RNLS: variants seen among roughly 807,000 people sequenced by gnomAD.
RNLS encodes renalase, FAD dependent amine oxidase.
Under a neutral mutation model 39.8 loss-of-function variants are expected in RNLS, and 39 were observed. That is an observed-to-expected ratio of 0.98 (90% confidence interval 0.76 to 1.28). The LOEUF (loss-of-function observed/expected upper bound fraction) is 1.28. Ranked by LOEUF, RNLS falls within the 50% of genes most tolerant of loss-of-function variation. The pLI is 0.00. For missense variants in RNLS, 410 were observed against 413.3 expected, an observed-to-expected ratio of 0.99 and a Z score of 0.07; for synonymous variants, 147 against 150.7, an observed-to-expected ratio of 0.98 and a Z score of 0.18.
chr10:88,349,853 A>G (rs1402838214), intron 5 of RNLS, among the ~76,000 whole-genome samples: 1 of 152,060 alleles, frequency 6.6e-6, no homozygotes, highest in Non-Finnish European at 1.5e-5. Context: ...TGAGATGAAT[A>G]TTTGCAATTA....
At chr10:88,274,974 C>T (rs878893618) in exon 7 of RNLS, 3 of 1,613,092 alleles carry the variant, frequency 1.9e-6, no homozygotes, top group Admixed American at 1.7e-5. Flanking sequence ...GATGGGAAAT[C>T]CAATCGCCAT....
At chr10:88,528,067 C>CA (rs1847211466) in intron 4 of RNLS, among the ~76,000 whole-genome samples, 1 of 149,596 alleles carries the variant, frequency 6.7e-6, no homozygotes, top group Admixed American at 6.7e-5. Flanking sequence ...ACTGAGTGAA[C>CA]AAAAAATATT....
intron 4 of RNLS, among the ~76,000 whole-genome samples, chr10:88,511,636 G>A (rs1280669703): frequency 1.3e-5 from 2 of 150,086 alleles, no homozygotes; most frequent in African/African-American, 2.5e-5. Flanking sequence ...GAAGATGAGC[G>A]GGAATGAGGA....
At chr10:88,523,702 A>G (rs977758705) in intron 4 of RNLS, among the ~76,000 whole-genome samples, 4 of 152,200 alleles carry the variant, frequency 2.6e-5, no homozygotes, top group Non-Finnish European at 5.9e-5. Context: ...AGTTTTAAAA[A>G]GAAGCCAAAG....
the RNLS span, among the ~76,000 whole-genome samples, chr10:88,199,320 G>A: frequency 6.6e-6 from 1 of 152,122 alleles, no homozygotes; most frequent in Non-Finnish European, 1.5e-5. Context: ...GGGGGGTCCT[G>A]TGTAACTCTA....
At chr10:88,352,931 A>T (rs534006318) in intron 5 of RNLS, among the ~76,000 whole-genome samples, 4 of 152,076 alleles carry the variant, frequency 2.6e-5, no homozygotes, top group African/African-American at 9.7e-5. Flanking sequence ...AGTCTTAGGA[A>T]GGTGTATGTG....
the RNLS span, among the ~76,000 whole-genome samples, chr10:88,252,281 C>T: frequency 6.6e-6 from 1 of 151,770 alleles, no homozygotes; most frequent in Non-Finnish European, 1.5e-5. Context: ...TTTAGATTGA[C>T]CTCACTTGTT....
intron 4 of RNLS, among the ~76,000 whole-genome samples, chr10:88,558,792 T>C (rs1455521807): frequency 6.6e-6 from 1 of 152,106 alleles, no homozygotes; most frequent in Non-Finnish European, 1.5e-5. Context: ...TACAAGAACA[T>C]GATAAAATAT....
intron 4 of RNLS, among the ~76,000 whole-genome samples, chr10:88,402,121 A>G (rs1852960905): frequency 6.6e-6 from 1 of 152,038 alleles, no homozygotes; most frequent in Admixed American, 6.6e-5. Context: ...ATGCCTTTCA[A>G]AAGAGGGAGC....
intron 6 of RNLS, among the ~76,000 whole-genome samples, chr10:88,305,702 A>T (rs937363118): frequency 6.6e-6 from 1 of 152,208 alleles, no homozygotes; most frequent in African/African-American, 2.4e-5. Flanking sequence ...ACTTTCAAAT[A>T]GACTTAGACT....
chr10:88,525,096 T>TA (rs1460154320), intron 4 of RNLS, among the ~76,000 whole-genome samples: 1 of 150,734 alleles, frequency 6.6e-6, no homozygotes, highest in African/African-American at 2.4e-5. Context: ...ATCTGGAGCA[T>TA]AAAATACATT....
At chr10:88,246,266 A>C in the RNLS span, among the ~76,000 whole-genome samples, 1 of 152,212 alleles carries the variant, frequency 6.6e-6, no homozygotes, top group Non-Finnish European at 1.5e-5. Context: ...AACAGCTCAG[A>C]ACTAGTCCCT....
intron 5 of RNLS, among the ~76,000 whole-genome samples, chr10:88,321,578 A>G (rs1846184994): frequency 6.6e-6 from 1 of 152,196 alleles, no homozygotes. Flanking sequence ...GAAAAAGAAT[A>G]TTCAAATAAG....
At chr10:88,448,813 T>C (rs937829261) in intron 4 of RNLS, among the ~76,000 whole-genome samples, 3 of 152,196 alleles carry the variant, frequency 2.0e-5, no homozygotes, top group African/African-American at 7.2e-5. Flanking sequence ...TGCAATTCTA[T>C]GCAGCCATAA....
intron 4 of RNLS, among the ~76,000 whole-genome samples, chr10:88,492,588 T>C (rs1191855572): frequency 2.0e-5 from 3 of 151,952 alleles, no homozygotes; most frequent in Non-Finnish European, 4.4e-5. Context: ...CTGGCTAATT[T>C]TTGTATTTTC....
Position 88,448,303 on chromosome 10 carries a change from GA to G in RNLS, c.527-85579del, listed in dbSNP as rs575041454. The stretch of plus-strand genomic sequence containing the variant: ...CCAGAATCTACAAAGAAATTTACAA[GA>G]AAAAAACAAACAACCCCATCAAAAA... On this transcript the variant is annotated intron_variant, in intron 4 of 6. Coordinates refer to ENST00000331772, the MANE Select transcript of RNLS (RefSeq NM_001031709.3). Among the ~76,000 whole-genome samples the G allele has an allele frequency of 1.4e-3, 206 of 151,838 alleles. 1 individual carries two copies. Among genetic ancestry groups the G allele is most frequent in the African/African-American group, 4.7e-3 (196 of 41,470 alleles).
At chr10:88,394,840 A>T (rs376443350) in intron 4 of RNLS, among the ~76,000 whole-genome samples, 4 of 152,170 alleles carry the variant, frequency 2.6e-5, no homozygotes, top group African/African-American at 9.7e-5. Context: ...GTGGCACATA[A>T]ACACCATGGA....
At chr10:88,225,553 A>G in the RNLS span, among the ~76,000 whole-genome samples, 63 of 152,306 alleles carry the variant, frequency 4.1e-4, no homozygotes, top group Admixed American at 7.2e-4. Flanking sequence ...ATATCTACAG[A>G]AAATTTAAAA....
At chr10:88,325,261 G>A (rs1846511479) in intron 5 of RNLS, among the ~76,000 whole-genome samples, 1 of 152,122 alleles carries the variant, frequency 6.6e-6, no homozygotes, top group African/African-American at 2.4e-5. Flanking sequence ...CACCAGAAAT[G>A]CACAAGGGTT....
Sources: gnomAD v4.1 joint callset for allele counts (sites outside exome capture counted in the v4.1 genomes callset) on GRCh38, gnomAD v4.1.1 for gene constraint, MANE v1.5 for transcripts, NCBI Gene and HGNC (gene_info 2026-07-23, HGNC 2026-07-21) for gene names.